The following CHST11 variants were observed in gnomAD, a reference collection of about 807,000 sequenced individuals.
The protein encoded by CHST11 is C4S-1.
A neutral mutation model predicts 30.4 loss-of-function variants in CHST11; 9 were observed. The ratio of observed to expected loss-of-function variants is 0.30; its 90% CI spans 0.18 to 0.52. CHST11 has a LOEUF of 0.52. CHST11 is among the 20% of genes least tolerant of loss of function. CHST11 has a pLI of 0.97. For missense variants in CHST11, 348 were observed against 460.6 expected (o/e 0.76, Z 2.24); for synonymous variants, 152 against 187.8 (o/e 0.81, Z 1.56).
intron 1 of CHST11, among the ~76,000 whole-genome samples, chr12:104,540,396 C>T (rs1036569461): frequency 6.6e-6 from 1 of 152,124 alleles, no homozygotes; most frequent in Non-Finnish European, 1.5e-5. Context: ...AGCTAAGAAC[C>T]ATCAATTCTA....
In CHST11 at chr12:104,757,654, T is replaced by C; in HGVS notation, c.910T>C (p.Tyr304His). The stretch of plus-strand genomic sequence containing the variant: ...GGGCAGCTACCTGAAGTTCCCCACC[T>C]ATGCAAAGTCTACGAGAACTACTGA... Reference protein sequence around the residue: ...GVGSYLKFPTYAKSTRTTDEM... With the variant: ...GVGSYLKFPTHAKSTRTTDEM... The change falls in exon 3 of 3, where the codon TAT becomes CAT. Residue 304 changes from tyrosine (Y) to histidine (H), a missense_variant. By Grantham distance (83) the Tyr-to-His change is moderately conservative. Transcript: ENST00000303694. This position sits in a 1 kb window ranked among gnomAD's most constrained non-coding sequence, Gnocchi z 6.5. The C allele has an allele frequency of 6.2e-7, 1 of 1,614,184 alleles. No individual in the cohort carries two copies. Among genetic ancestry groups the C allele is most frequent in the South Asian group, 1.1e-5 (1 of 91,086 alleles).
chr12:104,507,091 T>C (rs1402947932), intron 1 of CHST11, among the ~76,000 whole-genome samples: 1 of 151,918 alleles, frequency 6.6e-6, no homozygotes. Context: ...GAAGGCATCT[T>C]TGGAGGGAAG....
At chr12:104,524,187 G>GGA (rs751413411) in intron 1 of CHST11, among the ~76,000 whole-genome samples, 2 of 152,108 alleles carry the variant, frequency 1.3e-5, no homozygotes, top group Non-Finnish European at 2.9e-5. Flanking sequence ...AAGGACACAT[G>GGA]GAGAGGATTA....
intron 1 of CHST11, among the ~76,000 whole-genome samples, chr12:104,526,859 T>C (rs548489260): frequency 3.9e-4 from 59 of 152,310 alleles, no homozygotes; most frequent in African/African-American, 1.3e-3. Context: ...TTGCGGTGAA[T>C]AATAAGGGGT....
intron 1 of CHST11, among the ~76,000 whole-genome samples, chr12:104,586,644 C>T (rs1250158726): frequency 3.3e-5 from 5 of 152,204 alleles, no homozygotes; most frequent in Non-Finnish European, 5.9e-5. Flanking sequence ...AGACTTGGAG[C>T]GCCAGGCAGG....
At chr12:104,671,821 C>T (rs1302635088) in intron 2 of CHST11, among the ~76,000 whole-genome samples, 2 of 152,158 alleles carry the variant, frequency 1.3e-5, no homozygotes, top group Admixed American at 6.5e-5. Flanking sequence ...AAGAGGCTTT[C>T]AACAGCCAAA....
At chr12:104,627,243 G>A (rs1161036617) in intron 2 of CHST11, among the ~76,000 whole-genome samples, 2 of 152,084 alleles carry the variant, frequency 1.3e-5, no homozygotes, top group African/African-American at 4.8e-5. Flanking sequence ...GTCACCTACT[G>A]CAGGACATCT....
intron 2 of CHST11, among the ~76,000 whole-genome samples, chr12:104,669,032 A>T (rs879443017): frequency 1.3e-5 from 2 of 152,138 alleles, no homozygotes; most frequent in Non-Finnish European, 2.9e-5. Flanking sequence ...CTTTCTCCCC[A>T]TTTCTGTGGG....
At chr12:104,733,919 T>A (rs1197062308) in intron 2 of CHST11, among the ~76,000 whole-genome samples, 1 of 152,258 alleles carries the variant, frequency 6.6e-6, no homozygotes, top group African/African-American at 2.4e-5. Context: ...GATGATGCCA[T>A]GATGGCTGCC....
At chr12:104,583,921 CG>C (rs1475243425) in intron 1 of CHST11, among the ~76,000 whole-genome samples, 1 of 152,168 alleles carries the variant, frequency 6.6e-6, no homozygotes, top group Non-Finnish European at 1.5e-5. Flanking sequence ...CCATGTTAAC[CG>C]GGCTGGTCCC....
rs150887884 is a variant in CHST11, at chr12:104,679,426, T to C, written c.204+77435T>C. Among the ~76,000 whole-genome samples, 469 of 152,188 alleles carry C rather than the reference T, an allele frequency of 3.1e-3. 6 individuals carry two copies. The highest frequency in any genetic ancestry group is 4.7e-3 in the Non-Finnish European group (323 of 68,010). Reference sequence around the variant, plus strand: ...CAATTCAGGCCCCGGAGCCTCCGCGTCCTGCTCCATATCCCCCTGAGCCGC... The same window carrying C: ...CAATTCAGGCCCCGGAGCCTCCGCGCCCTGCTCCATATCCCCCTGAGCCGC... On this transcript the variant is annotated intron_variant, in intron 2 of 2. Transcript: ENST00000303694.
rs550612915 is a variant in CHST11, at chr12:104,480,200, G to GC, written c.118+22679dup. Among the ~76,000 whole-genome samples the GC allele has an allele frequency of 3.7e-4, 56 of 151,002 alleles. No homozygotes were observed. In the Middle Eastern group the frequency reaches 0.01, roughly 28 times the overall value. Reference sequence around the variant, plus strand: ...AGTGCACTGAGTTGATAGTGTCCCCGCCCCCCCCTCCAAATTCATGTTCTT... The same window carrying GC: ...AGTGCACTGAGTTGATAGTGTCCCCGCCCCCCCCCTCCAAATTCATGTTCTT... On this transcript the variant is annotated intron_variant, in intron 1 of 2. Transcript: ENST00000303694.
At chr12:104,607,737 A>AGGAGT (rs2039020615) in intron 2 of CHST11, among the ~76,000 whole-genome samples, 1 of 152,178 alleles carries the variant, frequency 6.6e-6, no homozygotes, top group African/African-American at 2.4e-5. Flanking sequence ...GAGAGGGGGC[A>AGGAGT]GGAGTGGCAG....
At chr12:104,539,483 T>A (rs553949524) in intron 1 of CHST11, among the ~76,000 whole-genome samples, 1 of 152,294 alleles carries the variant, frequency 6.6e-6, no homozygotes, top group Admixed American at 6.5e-5. Flanking sequence ...GGGGATACGA[T>A]GAAATATTTA....
intron 1 of CHST11, among the ~76,000 whole-genome samples, chr12:104,526,180 T>G (rs1414035608): frequency 6.6e-6 from 1 of 151,526 alleles, no homozygotes; most frequent in African/African-American, 2.4e-5. Context: ...GAGTTCAGTG[T>G]TGTGGGAATT....
chr12:104,549,711 C>T (rs2038387177), intron 1 of CHST11, among the ~76,000 whole-genome samples: 1 of 152,052 alleles, frequency 6.6e-6, no homozygotes, highest in African/African-American at 2.4e-5. Flanking sequence ...TTTGAGACTG[C>T]TCTGAGCAAC....
chr12:104,471,511 G>C (rs868680024), intron 1 of CHST11, among the ~76,000 whole-genome samples: 4 of 152,220 alleles, frequency 2.6e-5, no homozygotes, highest in African/African-American at 4.8e-5. Context: ...AAAGTTGTAG[G>C]AATTGCATCA....
intron 1 of CHST11, among the ~76,000 whole-genome samples, chr12:104,526,915 G>C (rs886233179): frequency 2.0e-5 from 3 of 152,178 alleles, no homozygotes; most frequent in African/African-American, 7.2e-5. Context: ...TTTTCTCCCG[G>C]GTTGGCAAGG....
chr12:104,605,563 A>C lies in CHST11; in HGVS notation c.204+3572A>C, dbSNP rs192648159. Among the ~76,000 whole-genome samples, 67 of 152,338 alleles carry C rather than the reference A, an allele frequency of 4.4e-4. 1 individual carries two copies. In the East Asian group the frequency reaches 0.011, roughly 26 times the overall value. The stretch of plus-strand genomic sequence containing the variant: ...CACTGCAGTCCAGCCTGGGCGAAAG[A>C]GCCAGACTCCGTCTCAAAAAAATAA... On this transcript the variant is annotated intron_variant, in intron 2 of 2. Coordinates refer to ENST00000303694, the MANE Select transcript of CHST11 (RefSeq NM_018413.6).
Sources: gnomAD v4.1 joint callset for allele counts (sites outside exome capture counted in the v4.1 genomes callset) on GRCh38, gnomAD v4.1.1 for gene constraint, Gnocchi (gnomAD v3.1) non-coding constraint, MANE v1.5 for transcripts, NCBI Gene and HGNC (gene_info 2026-07-23, HGNC 2026-07-21) for gene names.